Variants in NRG1 observed in about 807,000 individuals in gnomAD.
The protein encoded by NRG1 is pro-neuregulin-1, membrane-bound isoform.
NRG1 carries 18 observed loss-of-function variants against 63.8 expected under a neutral mutation model. The observed-to-expected ratio is 0.28, with a 90% confidence interval of 0.19 to 0.42. NRG1 has a LOEUF of 0.42. Among genes scored for constraint, NRG1 ranks in the 10% least tolerant of loss-of-function variants. The probability of loss-of-function intolerance (pLI) is 1.00; values close to 1 mark genes in which losing one functional copy is unlikely to be tolerated. For missense variants in NRG1, 762 were observed against 814.7 expected, an observed-to-expected ratio of 0.94 and a Z score of 0.79; for synonymous variants, 302 against 301.3, an observed-to-expected ratio of 1.00 and a Z score of -0.02.
intron 1 of NRG1, among the ~76,000 whole-genome samples, chr8:32,172,696 C>G (rs1218843540): frequency 1.3e-5 from 2 of 152,120 alleles, no homozygotes; most frequent in Admixed American, 6.5e-5. Context: ...GATGAATGCA[C>G]AAGCCTCAGT....
intron 1 of NRG1, among the ~76,000 whole-genome samples, chr8:31,787,050 A>T (rs1200292722): frequency 6.6e-6 from 1 of 152,188 alleles, no homozygotes; most frequent in Non-Finnish European, 1.5e-5. Context: ...CAAGACTGGC[A>T]GCCAGCAGTC....
chr8:32,257,292 A>G (rs1304420942), intron 1 of NRG1, among the ~76,000 whole-genome samples: 2 of 152,068 alleles, frequency 1.3e-5, no homozygotes, highest in East Asian at 3.9e-4. Flanking sequence ...AGGGGAGTGA[A>G]CAGTTCTGTC....
intron 1 of NRG1, among the ~76,000 whole-genome samples, chr8:32,256,215 T>G (rs951825989): frequency 1.3e-5 from 2 of 152,132 alleles, no homozygotes. Context: ...CTCCATCCAG[T>G]TTTGTTCCCT....
At chr8:31,998,290 A>G (rs530724417) in intron 1 of NRG1, among the ~76,000 whole-genome samples, 1 of 152,128 alleles carries the variant, frequency 6.6e-6, no homozygotes, top group East Asian at 1.9e-4. Flanking sequence ...TCAATCAACT[A>G]TACATATATT....
chr8:32,202,543 C>T (rs1843601211), intron 1 of NRG1, among the ~76,000 whole-genome samples: 1 of 152,040 alleles, frequency 6.6e-6, no homozygotes, highest in South Asian at 2.1e-4. Flanking sequence ...GGTTCCCATA[C>T]CCAGTGTGTC....
intron 7 of NRG1, among the ~76,000 whole-genome samples, chr8:32,746,586 C>T (rs529723944): frequency 1.4e-3 from 206 of 152,166 alleles, no homozygotes; most frequent in African/African-American, 4.5e-3. Flanking sequence ...ACAAAGGATT[C>T]GTGAGTCAAT....
intron 1 of NRG1, among the ~76,000 whole-genome samples, chr8:32,533,242 C>T (rs1245916425): frequency 6.6e-6 from 1 of 151,970 alleles, no homozygotes; most frequent in Non-Finnish European, 1.5e-5. Flanking sequence ...TCACTAGAAA[C>T]ATTACTGCTG....
Position 32,080,869 on chromosome 8 carries a change from C to T in NRG1, c.37+441438C>T, listed in dbSNP as rs911594718. 1.6e-4 allele frequency among the ~76,000 whole-genome samples: 25 copies of T among 151,664 alleles called. 1 individual carries two copies. The highest frequency in any genetic ancestry group is 1.3e-3 in the Admixed American group (20 of 15,180). On this transcript the variant is annotated intron_variant, in intron 1 of 10. Coordinates refer to the NRG1 transcript ENST00000519301. Reference sequence around the variant, plus strand: ...AGGAATTGGCTCACAATTATGGAGACTGGCAAATCTAAAATCTTCAGGCTG... The same window carrying T: ...AGGAATTGGCTCACAATTATGGAGATTGGCAAATCTAAAATCTTCAGGCTG...
chr8:31,801,777 C>G (rs1586517607), intron 1 of NRG1, among the ~76,000 whole-genome samples: 1 of 152,242 alleles, frequency 6.6e-6, no homozygotes, highest in East Asian at 1.9e-4. Flanking sequence ...CAGTATTTTT[C>G]ATATTGCTCA....
At chr8:32,500,022 G>A (rs1304453382) in intron 1 of NRG1, among the ~76,000 whole-genome samples, 1 of 152,182 alleles carries the variant, frequency 6.6e-6, no homozygotes, top group Non-Finnish European at 1.5e-5. Flanking sequence ...GTGGGTTATA[G>A]TTTTCCATTA....
intron 1 of NRG1, among the ~76,000 whole-genome samples, chr8:31,924,903 G>T (rs1194542442): frequency 1.3e-5 from 2 of 151,322 alleles, no homozygotes; most frequent in Admixed American, 6.6e-5. Context: ...ATGATTTGAA[G>T]ATTATGTAGT....
intron 1 of NRG1, among the ~76,000 whole-genome samples, chr8:31,775,079 C>A (rs1274426613): frequency 7.8e-6 from 1 of 128,748 alleles, no homozygotes; most frequent in Non-Finnish European, 1.7e-5. Context: ...ATCCAGTAAT[C>A]CCACCACCAG....
intron 1 of NRG1, among the ~76,000 whole-genome samples, chr8:32,337,653 CAAAAAAAAAAAAA>C (rs71208174): frequency 1.6e-4 from 4 of 24,704 alleles, no homozygotes; most frequent in Non-Finnish European, 2.2e-4. Context: ...AGAGTTATTG[CAAAAAAAAAAAAA>C]AAAAAAAAAA....
At chr8:32,624,688 C>T (rs1848901222) in intron 5 of NRG1, among the ~76,000 whole-genome samples, 1 of 152,008 alleles carries the variant, frequency 6.6e-6, no homozygotes, top group Admixed American at 6.6e-5. Context: ...CTTAACAGTG[C>T]CCTCTTTTTA....
At chr8:31,832,255 T>TG (rs1355229383) in intron 1 of NRG1, among the ~76,000 whole-genome samples, 2 of 151,522 alleles carry the variant, frequency 1.3e-5, no homozygotes, top group Non-Finnish European at 1.5e-5. Flanking sequence ...TCTAGTTTTT[T>TG]TTTTTTTTTT....
chr8:32,508,295 ATT>A (rs34620334), intron 1 of NRG1, among the ~76,000 whole-genome samples: 46 of 145,400 alleles, frequency 3.2e-4, no homozygotes, highest in East Asian at 8.3e-4. Flanking sequence ...TATAAGGGCC[ATT>A]TTTTTTTTTT....
chr8:32,043,187 A>G (rs1820374684), intron 1 of NRG1, among the ~76,000 whole-genome samples: 2 of 152,022 alleles, frequency 1.3e-5, no homozygotes. Context: ...CCTTGAAAAA[A>G]GCCTGAAAAA....
intron 1 of NRG1, among the ~76,000 whole-genome samples, chr8:32,335,299 TTCATTTA>T (rs1374848006): frequency 6.6e-6 from 1 of 152,214 alleles, no homozygotes; most frequent in Non-Finnish European, 1.5e-5. Flanking sequence ...CTTTCCCAAA[TTCATTTA>T]TAATTCAGTG....
At chr8:32,288,361 A>G (rs1420695501) in intron 1 of NRG1, among the ~76,000 whole-genome samples, 2 of 152,212 alleles carry the variant, frequency 1.3e-5, no homozygotes, top group Non-Finnish European at 2.9e-5. Context: ...TTGTTGAGGC[A>G]TGAAAAGAAT....
Sources: gnomAD v4.1 joint callset for allele counts (sites outside exome capture counted in the v4.1 genomes callset) on GRCh38, gnomAD v4.1.1 for gene constraint, MANE v1.5 for transcripts, NCBI Gene and HGNC (gene_info 2026-07-23, HGNC 2026-07-21) for gene names.